CLIP1: variants seen among roughly 807,000 people sequenced by gnomAD.
CLIP1 encodes CAP-Gly domain containing linker protein 1.
Under a neutral mutation model 161.6 loss-of-function variants are expected in CLIP1, and 66 were observed. The ratio of observed to expected loss-of-function variants is 0.41; its 90% CI spans 0.33 to 0.50. The LOEUF is 0.50. CLIP1 is among the 20% of genes least tolerant of loss of function. The probability of loss-of-function intolerance (pLI) is 0.27; values close to 1 mark genes in which losing one functional copy is unlikely to be tolerated. For missense variants in CLIP1, 1,376 were observed against 1,702.0 expected, an observed-to-expected ratio of 0.81 and a Z score of 3.37; for synonymous variants, 598 against 626.2, an observed-to-expected ratio of 0.96 and a Z score of 0.67.
intron 23 of CLIP1, 61 bp downstream of exon 23, chr12:122,278,731 A>C (rs537304113): frequency 6.7e-7 from 1 of 1,498,544 alleles, no homozygotes; most frequent in East Asian, 2.3e-5. Context: ...CATCTCTACT[A>C]GAAAGGGCTC....
At chr12:122,338,096 G>A in intron 11 of CLIP1, among the ~76,000 whole-genome samples, 1 of 151,998 alleles carries the variant, frequency 6.6e-6, no homozygotes, top group Non-Finnish European at 1.5e-5. Flanking sequence ...AGCACATTGG[G>A]AGGCCGAGGT....
At chr12:122,283,448 C>A (rs35187830) in intron 21 of CLIP1, among the ~76,000 whole-genome samples, 11,335 of 150,234 alleles carry the variant, frequency 0.075, 587 homozygotes, top group Non-Finnish European at 0.12. Context: ...CTTTCTTTTT[C>A]TTTCTTTCTT....
chr12:122,332,622 T>C (rs1309528301), intron 15 of CLIP1, among the ~76,000 whole-genome samples: 1 of 152,106 alleles, frequency 6.6e-6, no homozygotes, highest in South Asian at 2.1e-4. Flanking sequence ...GGTTTCGCCA[T>C]GTTGGCCAGG....
intron 9 of CLIP1, among the ~76,000 whole-genome samples, chr12:122,350,331 A>G (rs1952972200): frequency 6.6e-6 from 1 of 152,194 alleles, no homozygotes; most frequent in Admixed American, 6.5e-5. Context: ...TACAACCAGC[A>G]GCACAGCTGG....
chr12:122,364,119 GA>G lies in CLIP1; in HGVS notation c.658-13del. On this transcript the variant is annotated splice_polypyrimidine_tract_variant and intron_variant, in intron 3 of 25. Transcript: ENST00000620786. Reference sequence around the variant, plus strand: ...TTAGTGCCACCAACCTGGAAGAAGAGAAGGTTAAAATAAAGAGATGAACATC... The same window carrying G: ...TTAGTGCCACCAACCTGGAAGAAGAGAGGTTAAAATAAAGAGATGAACATC... 6.2e-7 allele frequency: 1 copy of G among 1,613,768 alleles called. No homozygotes were observed. The highest frequency in any genetic ancestry group is 8.5e-7 in the Non-Finnish European group (1 of 1,179,888).
At chr12:122,335,019 C>T (rs3817011) in intron 12 of CLIP1, among the ~76,000 whole-genome samples, 116,279 of 152,148 alleles carry the variant, frequency 0.76, 44,657 homozygotes, top group East Asian at 0.85. Context: ...GGTGCACGTG[C>T]ATGCTTCATG....
At chr12:122,407,748 C>CAAAAAA (rs35500806) in intron 1 of CLIP1, among the ~76,000 whole-genome samples, 672 of 38,306 alleles carry the variant, frequency 0.018, 158 homozygotes, top group African/African-American at 0.086. Flanking sequence ...GACCCTGTCT[C>CAAAAAA]AAAAAAAAAA....
intron 3 of CLIP1, among the ~76,000 whole-genome samples, chr12:122,376,887 A>G (rs1020201207): frequency 7.2e-5 from 11 of 152,234 alleles, no homozygotes; most frequent in African/African-American, 2.7e-4. Context: ...CAAACTGCAC[A>G]GCCAGTTTCT....
intron 21 of CLIP1, among the ~76,000 whole-genome samples, chr12:122,285,855 G>GT (rs112264207): frequency 1.7e-3 from 245 of 147,584 alleles, no homozygotes; most frequent in African/African-American, 3.5e-3. Context: ...TTACATAAGG[G>GT]TTTTTTTTTT....
intron 5 of CLIP1, among the ~76,000 whole-genome samples, chr12:122,359,402 T>C (rs1024932507): frequency 2.6e-5 from 4 of 152,112 alleles, no homozygotes; most frequent in African/African-American, 4.8e-5. Context: ...AATTAAAAGG[T>C]AATAAAAATT....
Position 122,277,934 on chromosome 12 carries a change from T to C in CLIP1, c.3966+220A>G, listed in dbSNP as rs565786676. ...AGACACAAATAACAGTAATTAACTGTTTGCAGGGTTGGGAACTGAGCAGAA... is the reference window on the plus strand; with the variant it reads ...AGACACAAATAACAGTAATTAACTGCTTGCAGGGTTGGGAACTGAGCAGAA... On this transcript the variant is annotated intron_variant, in intron 24 of 25. Coordinates refer to ENST00000620786, the MANE Select transcript of CLIP1 (RefSeq NM_001247997.2). 4.0e-5 allele frequency: 21 copies of C among 526,402 alleles called. 1 individual carries two copies. In the South Asian group the frequency reaches 4.5e-4, roughly 11 times the overall value. The allele number at this position is 526,402 out of a possible 1,614,324, so 32.6% of individuals were successfully genotyped here.
chr12:122,308,094 C>T (rs1459222702), intron 20 of CLIP1, among the ~76,000 whole-genome samples: 1 of 152,122 alleles, frequency 6.6e-6, no homozygotes, highest in East Asian at 1.9e-4. Context: ...AACAGAGCTG[C>T]TAGGATGGAG....
At chr12:122,361,631 C>A (rs1198449753) in intron 4 of CLIP1, among the ~76,000 whole-genome samples, 1 of 152,170 alleles carries the variant, frequency 6.6e-6, no homozygotes, top group Non-Finnish European at 1.5e-5. Flanking sequence ...CTGTGGGAGG[C>A]CGAGGCGGCA....
At chr12:122,343,489 A>G (rs185779461) in intron 10 of CLIP1, 64 of 152,290 alleles carry the variant, frequency 4.2e-4, no homozygotes, top group Admixed American at 2.9e-3. Flanking sequence ...GCAATAATAC[A>G]CAAGAATCTT....
In CLIP1 at chr12:122,379,943, T is replaced by TAAAAAAAAAAAAAAAAAAAAAAAAAA. The variant is rs1566198620; in HGVS notation, c.85+424_85+425insTTTTTTTTTTTTTTTTTTTTTTTTTT. The stretch of plus-strand genomic sequence containing the variant: ...TGGGGAATAGAGCAAGACTCCATCT[T>TAAAAAAAAAAAAAAAAAAAAAAAAAA]TAAAAAAAAAAAAAAAAAATGCAAG... On this transcript the variant is annotated intron_variant, in intron 2 of 25. Transcript: ENST00000620786. Among the ~76,000 whole-genome samples, 11 of 70,394 alleles carry TAAAAAAAAAAAAAAAAAAAAAAAAAA rather than the reference T, an allele frequency of 1.6e-4. 2 individuals carry two copies. In the East Asian group the frequency reaches 2.7e-3, roughly 17 times the overall value. The allele number at this position is 70,394 out of a possible 152,430, so 46.2% of individuals were successfully genotyped here.
chr12:122,363,021 T>TAA lies in CLIP1; in HGVS notation c.782+961_782+962insTT, dbSNP rs1405378528. Among the ~76,000 whole-genome samples, 70 of 152,314 alleles carry TAA rather than the reference T, an allele frequency of 4.6e-4. 1 individual carries two copies. Among genetic ancestry groups the TAA allele is most frequent in the Admixed American group, 4.1e-3 (63 of 15,298 alleles). On this transcript the variant is annotated intron_variant, in intron 4 of 25. Transcript: ENST00000620786. ...ATTTGCTTATAACCAATTTGTCTGT[T>TAA]TTATAAGTAAAATGTTAACTACCAC...
chr12:122,419,009 TTC>T (rs757358999), intron 1 of CLIP1, among the ~76,000 whole-genome samples: 1 of 152,230 alleles, frequency 6.6e-6, no homozygotes, highest in Non-Finnish European at 1.5e-5. Context: ...CTATACTACC[TTC>T]TGTTTTTTCC....
Position 122,329,281 on chromosome 12 carries a change from C to A in CLIP1, c.2868-855G>T, listed in dbSNP as rs1218780596. Among the ~76,000 whole-genome samples, 3 of 151,944 alleles carry A rather than the reference C, an allele frequency of 2.0e-5. No homozygotes were observed. The South Asian group carries it at 6.2e-4, about 31-fold the overall frequency. On this transcript the variant is annotated intron_variant, in intron 15 of 25. Transcript: ENST00000620786. Reference sequence around the variant, plus strand: ...GACAGAGGTTGCAGTGAGCCAAGATCGCATCACTGCAGTCCAGCCTGGGCA... The same window carrying A: ...GACAGAGGTTGCAGTGAGCCAAGATAGCATCACTGCAGTCCAGCCTGGGCA...
intron 9 of CLIP1, among the ~76,000 whole-genome samples, chr12:122,349,093 T>C (rs1161379227): frequency 6.6e-6 from 1 of 152,250 alleles, no homozygotes; most frequent in Non-Finnish European, 1.5e-5. Flanking sequence ...CCCCTTGGTC[T>C]GTATGTGCCT....
Sources: gnomAD v4.1 joint callset for allele counts (sites outside exome capture counted in the v4.1 genomes callset) on GRCh38, gnomAD v4.1.1 for gene constraint, MANE v1.5 for transcripts, NCBI Gene and HGNC (gene_info 2026-07-23, HGNC 2026-07-21) for gene names.